Variants in NFASC observed in about 807,000 individuals in gnomAD.
NFASC encodes neurofascin homolog.
Under a neutral mutation model 147.5 loss-of-function variants are expected in NFASC, and 43 were observed. The ratio of observed to expected loss-of-function variants is 0.29; its 90% CI spans 0.23 to 0.38. The LOEUF (loss-of-function observed/expected upper bound fraction) is 0.38. NFASC is among the 10% of genes least tolerant of loss of function. The probability of loss-of-function intolerance (pLI) is 1.00; values close to 1 mark genes in which losing one functional copy is unlikely to be tolerated. For missense variants in NFASC, 1,320 were observed against 1,689.0 expected, an observed-to-expected ratio of 0.78 and a Z score of 3.83; for synonymous variants, 622 against 665.5, an observed-to-expected ratio of 0.93 and a Z score of 1.01.
At chr1:204,866,906 C>T (rs1258711171) in intron 1 of NFASC, among the ~76,000 whole-genome samples, 2 of 152,052 alleles carry the variant, frequency 1.3e-5, no homozygotes, top group Non-Finnish European at 2.9e-5. Flanking sequence ...ATGGTTAGTG[C>T]GTGGACATGA....
At chr1:204,917,719 T>G (rs2089581172) in intron 1 of NFASC, among the ~76,000 whole-genome samples, 1 of 152,202 alleles carries the variant, frequency 6.6e-6, no homozygotes. Context: ...ACTCTACTAG[T>G]CTTTGACACG....
At chr1:204,899,685 AG>A (rs1388811105) in intron 1 of NFASC, among the ~76,000 whole-genome samples, 1 of 152,234 alleles carries the variant, frequency 6.6e-6, no homozygotes. Context: ...GTCTTCTGAA[AG>A]GGATGTTGGA....
Position 204,979,338 on chromosome 1 carries a change from G to A in NFASC, c.1979-24G>A. On this transcript the variant is annotated intron_variant, in intron 18 of 29. Transcript: ENST00000339876. This position sits in a 1 kb window ranked among gnomAD's most constrained non-coding sequence, Gnocchi z 6.0. ...CACTGCTAACTGAGCTCCCGAAACA[G>A]CTCTGTTTTCCTTGCCCACTCAGAC... The A allele has an allele frequency of 6.2e-7, 1 of 1,600,308 alleles. No homozygotes were observed. Among genetic ancestry groups the A allele is most frequent in the Non-Finnish European group, 8.6e-7 (1 of 1,167,552 alleles).
chr1:204,868,366 C>T lies in NFASC; in HGVS notation c.-200+39584C>T, dbSNP rs908453801. Among the ~76,000 whole-genome samples the T allele has an allele frequency of 6.6e-5, 10 of 152,278 alleles. 1 individual carries two copies. In the South Asian group the frequency reaches 1.2e-3, roughly 19 times the overall value. On this transcript the variant is annotated intron_variant, in intron 1 of 29. Transcript: ENST00000339876. ...GGCAGGGGAGTAAGCCTTGGGGAAT[C>T]GGAGGAGCACGACCTGGCTGCCCTG...
intron 1 of NFASC, among the ~76,000 whole-genome samples, chr1:204,860,106 G>C (rs1548272): frequency 6.6e-6 from 1 of 152,000 alleles, no homozygotes. Flanking sequence ...TCAGGGAAGG[G>C]ACAGCTCCTT....
chr1:204,917,729 G>A (rs1272501954), intron 1 of NFASC, among the ~76,000 whole-genome samples: 6 of 152,100 alleles, frequency 3.9e-5, no homozygotes, highest in Non-Finnish European at 8.8e-5. Context: ...TCTTTGACAC[G>A]ACTCTACTGG....
chr1:204,953,056 C>T (rs1383689989), intron 5 of NFASC, among the ~76,000 whole-genome samples: 1 of 152,224 alleles, frequency 6.6e-6, no homozygotes, highest in Non-Finnish European at 1.5e-5. Context: ...GAGGTTTGGT[C>T]TTTCCCCCAT....
intron 1 of NFASC, among the ~76,000 whole-genome samples, chr1:204,834,692 G>A (rs554684042): frequency 3.3e-5 from 5 of 152,294 alleles, no homozygotes; most frequent in Admixed American, 6.5e-5. Flanking sequence ...AGACGGGCTT[G>A]GAGAGCTTCA....
At chr1:204,969,051 G>C in intron 10 of NFASC, 69 bp downstream of exon 10, 1 of 1,430,328 alleles carries the variant, frequency 7.0e-7, no homozygotes, top group South Asian at 1.3e-5. Context: ...CCTTCCCTCT[G>C]AGGGTGGTTG....
Position 204,974,305 on chromosome 1 carries a change from A to T in NFASC, c.1391+15A>T, listed in dbSNP as rs370947832. 2 of 1,596,788 alleles carry T rather than the reference A, an allele frequency of 1.3e-6. No individual in the cohort carries two copies. The highest frequency in any genetic ancestry group is 2.7e-5 in the African/African-American group (2 of 74,556). ...ACACTGCGATGGTAAGTTCCAGGAG[A>T]TCAGGCCTTCCACAGCAGGGGTCAC... is the stretch of plus-strand genomic sequence containing the variant. On this transcript the variant is annotated intron_variant, in intron 13 of 29. Transcript: ENST00000339876.
intron 7 of NFASC, among the ~76,000 whole-genome samples, chr1:204,955,310 A>G (rs1473136109): frequency 6.6e-6 from 1 of 152,256 alleles, no homozygotes; most frequent in Non-Finnish European, 1.5e-5. Context: ...CCAGACACAC[A>G]GTAAGCACTT....
intron 1 of NFASC, among the ~76,000 whole-genome samples, chr1:204,882,083 G>A (rs1339120824): frequency 6.6e-6 from 1 of 152,040 alleles, no homozygotes; most frequent in Non-Finnish European, 1.5e-5. Flanking sequence ...ATTCAGAGTT[G>A]AGCCCAATCT....
chr1:204,836,776 G>A (rs182924592), intron 1 of NFASC, among the ~76,000 whole-genome samples: 3 of 152,356 alleles, frequency 2.0e-5, no homozygotes, highest in African/African-American at 2.4e-5. Flanking sequence ...ATATCTTTCC[G>A]ATTATCATCA....
chr1:204,976,651 C>T lies in NFASC; in HGVS notation c.1707-20C>T, dbSNP rs1558331558. On this transcript the variant is annotated intron_variant, in intron 15 of 29. Transcript: ENST00000339876. ...ACTCCCCTACCCCCTCCTCCCAACCCTTCCTCGGTACCTTTGCAGGATGAA... is the reference window on the plus strand; with the variant it reads ...ACTCCCCTACCCCCTCCTCCCAACCTTTCCTCGGTACCTTTGCAGGATGAA... 1 of 1,596,906 alleles carries T rather than the reference C, an allele frequency of 6.3e-7. No individual in the cohort carries two copies. Among genetic ancestry groups the T allele is most frequent in the Non-Finnish European group, 8.6e-7 (1 of 1,166,416 alleles).
At chr1:204,868,750 G>C (rs2077325704) in intron 1 of NFASC, among the ~76,000 whole-genome samples, 1 of 152,186 alleles carries the variant, frequency 6.6e-6, no homozygotes, top group South Asian at 2.1e-4. Flanking sequence ...CAGGAGCATG[G>C]GGGCAGCTAC....
At chr1:204,980,305 A>G (rs1002492492) in intron 19 of NFASC, 65 bp from the exon 20 acceptor site, 5 of 1,253,720 alleles carry the variant, frequency 4.0e-6, no homozygotes, top group Non-Finnish European at 5.8e-6. Context: ...GGACAGAGGA[A>G]GGTTCCTTAC....
At position 204,954,569 on chromosome 1, in the gene NFASC, G is replaced by T. The variant is rs1271123701; in HGVS notation, c.412+185G>T. The stretch of plus-strand genomic sequence containing the variant: ...GAAGCTCCCAAAGCTTCCTTTTGAA[G>T]TTGTTGTCTGCAACAATTTCACTGG... On this transcript the variant is annotated intron_variant, in intron 6 of 29. Transcript: ENST00000339876. This position sits in a 1 kb window ranked among gnomAD's most constrained non-coding sequence, Gnocchi z 5.7. 2.6e-5 allele frequency among the ~76,000 whole-genome samples: 4 copies of T among 152,224 alleles called. No individual in the cohort carries two copies. The highest frequency in any genetic ancestry group is 4.4e-5 in the Non-Finnish European group (3 of 68,044).
In NFASC at chr1:204,987,146, G is replaced by C; in HGVS notation, c.2471-272G>C. The stretch of plus-strand genomic sequence containing the variant: ...GAGCCTAACATGTGCTGAATCCAGA[G>C]TAGTTGCTAGAAGAAAACCTGATTT... On this transcript the variant is annotated intron_variant, in intron 21 of 29. Coordinates refer to ENST00000339876, the MANE Select transcript of NFASC (RefSeq NM_001005388.3). The surrounding 1 kb of genome is among the most constrained non-coding windows in gnomAD (Gnocchi z 4.4). 2.0e-6 allele frequency: 1 copy of C among 510,834 alleles called. No homozygotes were observed. Among genetic ancestry groups the C allele is most frequent in the East Asian group, 3.3e-5 (1 of 30,414 alleles). 31.6% of individuals were successfully genotyped at this position (510,834 alleles called of 1,614,324 possible).
intron 25 of NFASC, chr1:204,998,096 C>G (rs2095887127): frequency 6.5e-6 from 1 of 153,488 alleles, no homozygotes; most frequent in Admixed American, 6.5e-5. Context: ...ATTCTCAGAG[C>G]CCCTGGTAAG....
Sources: allele counts gnomAD v4.1 joint callset (sites outside exome capture counted in the v4.1 genomes callset), GRCh38; gene constraint gnomAD v4.1.1; non-coding constraint Gnocchi (gnomAD v3.1); transcripts MANE v1.5; gene names NCBI Gene and HGNC (gene_info 2026-07-23, HGNC 2026-07-21).